CATSPERB: variants seen among roughly 807,000 people sequenced by gnomAD.
CATSPERB encodes cation channel sperm-associated auxiliary subunit beta.
CATSPERB carries 93 observed loss-of-function variants against 128.3 expected under a neutral mutation model. That is an observed-to-expected ratio of 0.72 (90% CI 0.61 to 0.86). The LOEUF (loss-of-function observed/expected upper bound fraction) is 0.86, where lower values mean the gene tolerates loss of function less well. CATSPERB is among the 40% of genes least tolerant of loss of function. The pLI, the probability that CATSPERB is intolerant of heterozygous loss-of-function variation, is 0.00. For synonymous variants in CATSPERB, 381 were observed against 448.8 expected (o/e 0.85, Z 1.91); for missense variants, 1,153 against 1,329.5 (o/e 0.87, Z 2.06).
intron 21 of CATSPERB, 123 bp from the exon 22 acceptor site, chr14:91,608,527 T>C (rs772050007): frequency 1.1e-5 from 7 of 632,212 alleles, no homozygotes; most frequent in Non-Finnish European, 2.0e-5. Flanking sequence ...GGTATTAAAG[T>C]AAATTTATCT....
chr14:91,681,240 G>A (rs1335908654), intron 11 of CATSPERB, among the ~76,000 whole-genome samples: 1 of 152,052 alleles, frequency 6.6e-6, no homozygotes, highest in Non-Finnish European at 1.5e-5. Flanking sequence ...TTATTGATAT[G>A]GGGGGCTATA....
chr14:91,661,373 A>G (rs1894878966), intron 14 of CATSPERB, among the ~76,000 whole-genome samples: 1 of 151,990 alleles, frequency 6.6e-6, no homozygotes, highest in African/African-American at 2.4e-5. Context: ...CTTTTCTACT[A>G]TACTACTGAA....
intron 9 of CATSPERB, among the ~76,000 whole-genome samples, chr14:91,692,407 A>T (rs1396254667): frequency 6.6e-6 from 1 of 152,142 alleles, no homozygotes; most frequent in Admixed American, 6.6e-5. Context: ...TCTCTGTTTT[A>T]GCAATTATAT....
At chr14:91,606,094 T>C (rs1488867456) in intron 22 of CATSPERB, among the ~76,000 whole-genome samples, 1 of 152,074 alleles carries the variant, frequency 6.6e-6, no homozygotes, top group East Asian at 1.9e-4. Context: ...GAGAATCGCT[T>C]GAACCCAGGA....
intron 9 of CATSPERB, among the ~76,000 whole-genome samples, chr14:91,692,655 G>A (rs1356633228): frequency 6.6e-6 from 1 of 152,008 alleles, no homozygotes; most frequent in East Asian, 1.9e-4. Context: ...CTCTGTTGTG[G>A]TAATTTTTGA....
At chr14:91,597,397 C>A (rs948601029) in intron 22 of CATSPERB, among the ~76,000 whole-genome samples, 2 of 152,000 alleles carry the variant, frequency 1.3e-5, no homozygotes, top group African/African-American at 4.8e-5. Flanking sequence ...GAAAAACAGC[C>A]CGAAGCCAAT....
chr14:91,657,229 G>T (rs2750479), intron 15 of CATSPERB, among the ~76,000 whole-genome samples: 29,490 of 151,892 alleles, frequency 0.19, 3,072 homozygotes, highest in African/African-American at 0.25. Context: ...CAGAATGCAC[G>T]CTCTTCTCCT....
chr14:91,711,553 C>T (rs1392924055), intron 5 of CATSPERB, among the ~76,000 whole-genome samples: 3 of 152,134 alleles, frequency 2.0e-5, no homozygotes, highest in Admixed American at 6.6e-5. Context: ...CATTTGTGCA[C>T]TTCCATTCTG....
At chr14:91,604,049 T>C (rs919759680) in intron 22 of CATSPERB, among the ~76,000 whole-genome samples, 1 of 151,538 alleles carries the variant, frequency 6.6e-6, no homozygotes, top group Non-Finnish European at 1.5e-5. Flanking sequence ...TTCTTTCTTT[T>C]ATGGAGTCTC....
chr14:91,709,867 C>T (rs1168552031), intron 5 of CATSPERB: 2 of 152,178 alleles, frequency 1.3e-5, no homozygotes, highest in Non-Finnish European at 2.9e-5. Flanking sequence ...CAGCCAGTAT[C>T]TTCCAGAATG....
chr14:91,692,804 A>G (rs947926267), intron 9 of CATSPERB, among the ~76,000 whole-genome samples: 1 of 152,182 alleles, frequency 6.6e-6, no homozygotes, highest in African/African-American at 2.4e-5. Context: ...GGCTTTATAA[A>G]TTACCTTAAA....
chr14:91,622,473 C>A (rs938506456), intron 18 of CATSPERB, among the ~76,000 whole-genome samples: 1 of 152,098 alleles, frequency 6.6e-6, no homozygotes, highest in Non-Finnish European at 1.5e-5. Flanking sequence ...AAGATCCTCT[C>A]ACGGAGACGA....
intron 17 of CATSPERB, among the ~76,000 whole-genome samples, chr14:91,626,155 C>A (rs923956897): frequency 2.0e-5 from 3 of 151,778 alleles, no homozygotes; most frequent in African/African-American, 7.3e-5. Context: ...CTAAATGGGC[C>A]ACAGACTTAA....
chr14:91,727,025 G>A (rs556962220), intron 2 of CATSPERB, among the ~76,000 whole-genome samples: 1 of 152,330 alleles, frequency 6.6e-6, no homozygotes, highest in East Asian at 1.9e-4. Context: ...CAGGGAAGAA[G>A]CTTCAATTAT....
intron 17 of CATSPERB, among the ~76,000 whole-genome samples, chr14:91,632,442 C>T (rs367741922): frequency 2.0e-5 from 3 of 151,942 alleles, no homozygotes; most frequent in African/African-American, 4.8e-5. Flanking sequence ...AAAAAAGCCA[C>T]GGTCATGCAA....
intron 2 of CATSPERB, among the ~76,000 whole-genome samples, chr14:91,728,672 A>C (rs1896159888): frequency 6.6e-6 from 1 of 152,200 alleles, no homozygotes; most frequent in Admixed American, 6.5e-5. Flanking sequence ...AACACAGAAA[A>C]TTACTCTTTC....
chr14:91,625,944 GT>G (rs1894152107), intron 17 of CATSPERB, among the ~76,000 whole-genome samples: 1 of 152,092 alleles, frequency 6.6e-6, no homozygotes, highest in Admixed American at 6.6e-5. Flanking sequence ...AGGCAACATG[GT>G]GAAACCCTAT....
At chr14:91,704,766 T>C (rs935804308) in intron 6 of CATSPERB, 65 bp from the exon 7 acceptor site, 1 of 1,494,062 alleles carries the variant, frequency 6.7e-7, no homozygotes, top group African/African-American at 1.4e-5. Flanking sequence ...GCTACTTTCC[T>C]TTAAAGGTTT....
At chr14:91,625,982 A>G (rs544908383) in intron 17 of CATSPERB, among the ~76,000 whole-genome samples, 1 of 152,144 alleles carries the variant, frequency 6.6e-6, no homozygotes, top group African/African-American at 2.4e-5. Context: ...AAAATTAACC[A>G]GGTATGGTGG....
Sources: allele counts gnomAD v4.1 joint callset (sites outside exome capture counted in the v4.1 genomes callset), GRCh38; gene constraint gnomAD v4.1.1; transcripts MANE v1.5; gene names NCBI Gene and HGNC (gene_info 2026-07-23, HGNC 2026-07-21).